The following PDE6B variants were observed in gnomAD, a reference collection of about 807,000 sequenced individuals.
The protein encoded by PDE6B is phosphodiesterase 6B.
Under a neutral mutation model 109.0 loss-of-function variants are expected in PDE6B, and 106 were observed. That is an observed-to-expected ratio of 0.97 (90% confidence interval 0.83 to 1.14). The LOEUF (loss-of-function observed/expected upper bound fraction) is 1.14, where lower values mean the gene tolerates loss of function less well. Among genes scored for constraint, PDE6B ranks in the 50% most tolerant of loss-of-function variants. PDE6B has a pLI of 0.00. For synonymous variants in PDE6B, 490 were observed against 471.3 expected, an observed-to-expected ratio of 1.04 and a Z score of -0.51; for missense variants, 1,193 against 1,155.6, an observed-to-expected ratio of 1.03 and a Z score of -0.47.
Position 670,322 on chromosome 4 carries a change from A to G in PDE6B, c.*215A>G, listed in dbSNP as rs1040628827. ...CCGTGGCACGATCTCAGCTCACTGC[A>G]ACCTCCACCTCCCAGGTTCAAGCGA... On this transcript the variant is annotated 3_prime_UTR_variant, in exon 22 of 22. Coordinates refer to ENST00000496514, the MANE Select transcript of PDE6B (RefSeq NM_000283.4). The G allele has an allele frequency of 1.1e-4, 62 of 547,648 alleles. No homozygotes were observed. In the East Asian group the frequency reaches 2.4e-3, roughly 21 times the overall value. 33.9% of individuals were successfully genotyped at this position (547,648 alleles called of 1,614,324 possible).
Position 656,798 on chromosome 4 carries a change from G to T in PDE6B, c.1108-76G>T. On this transcript the variant is annotated intron_variant, in intron 8 of 21. Coordinates refer to ENST00000496514, the MANE Select transcript of PDE6B (RefSeq NM_000283.4). ...ACGGCTCTAGGGGAGAAGACATGAG[G>T]TCACTCTCCCCGGCCACACGCCCGG... 4 of 1,393,510 alleles carry T rather than the reference G, an allele frequency of 2.9e-6. No individual in the cohort carries two copies. In the South Asian group the frequency reaches 4.7e-5, roughly 16 times the overall value. 86.3% of individuals were successfully genotyped at this position (1,393,510 alleles called of 1,614,324 possible). A position where few individuals can be genotyped will look rare whatever the true frequency, so the allele number is the denominator to read the frequency against.
At chr4:669,960 G>A (rs2109296853) in intron 21 of PDE6B, 86 bp from the exon 22 acceptor site, 2 of 1,086,742 alleles carry the variant, frequency 1.8e-6, no homozygotes, top group South Asian at 1.2e-5. Flanking sequence ...TGCAGGGGTT[G>A]GTAGAGGTCA....
chr4:634,052 G>A (rs144955880), intron 1 of PDE6B, among the ~76,000 whole-genome samples: 148 of 152,098 alleles, frequency 9.7e-4, no homozygotes, highest in Non-Finnish European at 1.6e-3. Flanking sequence ...TTCTCATCAC[G>A]GTGGGCCCCA....
At position 626,259 on chromosome 4, in the gene PDE6B, T is replaced by C. The variant is rs537200554; in HGVS notation, c.468+165T>C. Among the ~76,000 whole-genome samples the C allele has an allele frequency of 6.6e-6, 1 of 152,216 alleles. No homozygotes were observed. Among genetic ancestry groups the C allele is most frequent in the African/African-American group, 2.4e-5 (1 of 41,470 alleles). ...AGTACCTAGAGCCCCCTCCCGGCAC[T>C]GTGCCCTGGCCGCCTGCCTCTCCGA... On this transcript the variant is annotated intron_variant, in intron 1 of 21. Coordinates refer to ENST00000496514, the MANE Select transcript of PDE6B (RefSeq NM_000283.4). This position sits in a 1 kb window ranked among gnomAD's most constrained non-coding sequence, Gnocchi z 4.6.
chr4:648,994 G>A lies in PDE6B; in HGVS notation c.712-4858G>A, dbSNP rs1735352294. Reference sequence around the variant, plus strand: ...TGAGAGGCGGCCAGGAGGGGCGGGCGTGGTCTGTCCACACCGGGCAGTGGC... The same window carrying A: ...TGAGAGGCGGCCAGGAGGGGCGGGCATGGTCTGTCCACACCGGGCAGTGGC... On this transcript the variant is annotated intron_variant, in intron 3 of 21. Transcript: ENST00000496514. This position sits in a 1 kb window ranked among gnomAD's most constrained non-coding sequence, Gnocchi z 4.5. 1.3e-5 allele frequency among the ~76,000 whole-genome samples: 2 copies of A among 152,216 alleles called. No individual in the cohort carries two copies. Among genetic ancestry groups the A allele is most frequent in the African/African-American group, 4.8e-5 (2 of 41,460 alleles).
chr4:665,002 C>T lies in PDE6B; in HGVS notation c.2193+58C>T, dbSNP rs371705327. The T allele has an allele frequency of 7.8e-5, 106 of 1,363,618 alleles. No homozygotes were observed. The African/African-American group carries it at 1.1e-3, about 14-fold the overall frequency. 84.5% of individuals were successfully genotyped at this position (1,363,618 alleles called of 1,614,324 possible). On this transcript the variant is annotated intron_variant, in intron 18 of 21. Transcript: ENST00000496514. The surrounding 1 kb of genome is among the most constrained non-coding windows in gnomAD (Gnocchi z 4.0). ...AGTGCCTCTCAGCACATGGGACTGC[C>T]GGGCGGGCGGGAGCCTCGGATGGCA...
intron 17 of PDE6B, 139 bp from the exon 18 acceptor site, chr4:664,742 G>A: frequency 1.3e-6 from 1 of 770,934 alleles, no homozygotes; most frequent in Non-Finnish European, 2.4e-6. Context: ...GGAGGCGGAG[G>A]TTGCAGTGAG....
At chr4:635,648 T>G (rs28538930) in intron 2 of PDE6B, among the ~76,000 whole-genome samples, 3,605 of 152,342 alleles carry the variant, frequency 0.024, 143 homozygotes, top group African/African-American at 0.083. Context: ...TGCACATCGC[T>G]GTGCTCCTGT....
At chr4:642,391 G>A (rs1259929679) in intron 3 of PDE6B, among the ~76,000 whole-genome samples, 1 of 152,006 alleles carries the variant, frequency 6.6e-6, no homozygotes, top group Non-Finnish European at 1.5e-5. Flanking sequence ...CAGGAAAATC[G>A]CTTGAACCTG....
intron 3 of PDE6B, among the ~76,000 whole-genome samples, chr4:649,403 G>C (rs1446672079): frequency 6.6e-6 from 1 of 152,078 alleles, no homozygotes; most frequent in East Asian, 1.9e-4. Context: ...TGGGCCCAGG[G>C]GGAAACGTCT....
At chr4:641,211 A>G (rs1734928226) in intron 3 of PDE6B, among the ~76,000 whole-genome samples, 1 of 152,230 alleles carries the variant, frequency 6.6e-6, no homozygotes, top group Admixed American at 6.5e-5. Flanking sequence ...GATTCCTTTT[A>G]TCAGAATTTT....
Position 667,989 on chromosome 4 carries a change from G to A in PDE6B, c.2486G>A (p.Arg829Lys), listed in dbSNP as rs1239758901. 5 of 1,612,340 alleles carry A rather than the reference G, an allele frequency of 3.1e-6. No individual in the cohort carries two copies. The South Asian group carries it at 5.5e-5, about 18-fold the overall frequency. The change falls in exon 21 of 22, where the codon AGG becomes AAG. Residue 829 changes from arginine to lysine, a missense_variant. Arg to Lys is a conservative substitution (Grantham distance 26, BLOSUM62 2). Coordinates refer to ENST00000496514, the MANE Select transcript of PDE6B (RefSeq NM_000283.4). ...KALEEKEEEE[R>K]VAAKKVGTEI... The stretch of plus-strand genomic sequence containing the variant: ...CTGGAGGAGAAGGAGGAGGAGGAGA[G>A]GGTGGCAGCCAAGAAAGGTCTGGCT...
rs986774534 is a variant in PDE6B, at chr4:666,966, C to T, written c.2352+352C>T. ...TGTTTTGGGGGCCTTGGCTGCAGCT[C>T]TGTGGGTTCATTTGTTCCATGTTTG... On this transcript the variant is annotated intron_variant, in intron 20 of 21. Coordinates refer to ENST00000496514, the MANE Select transcript of PDE6B (RefSeq NM_000283.4). The surrounding 1 kb of genome is among the most constrained non-coding windows in gnomAD (Gnocchi z 5.6). Among the ~76,000 whole-genome samples the T allele has an allele frequency of 6.6e-5, 10 of 152,230 alleles. No homozygotes were observed. Among genetic ancestry groups the T allele is most frequent in the African/African-American group, 2.4e-4 (10 of 41,462 alleles).
In PDE6B at chr4:662,760, C is replaced by T. The variant is rs572639651; in HGVS notation, c.1832+142C>T. 2.1e-5 allele frequency: 14 copies of T among 673,432 alleles called. No individual in the cohort carries two copies. The highest frequency in any genetic ancestry group is 1.8e-4 in the African/African-American group (10 of 54,854). The allele number at this position is 673,432 out of a possible 1,614,324, so 41.7% of individuals were successfully genotyped here. The stretch of plus-strand genomic sequence containing the variant: ...ACTCCAGCACTGTGGGAGGCCAAGG[C>T]GAGGGGATTGCTTGAGCCCAGGAGT... On this transcript the variant is annotated intron_variant, in intron 14 of 21. Coordinates refer to ENST00000496514, the MANE Select transcript of PDE6B (RefSeq NM_000283.4). This position sits in a 1 kb window ranked among gnomAD's most constrained non-coding sequence, Gnocchi z 4.3.
chr4:638,655 T>G (rs1043080330), intron 3 of PDE6B, among the ~76,000 whole-genome samples: 14 of 152,172 alleles, frequency 9.2e-5, no homozygotes, highest in Admixed American at 2.6e-4. Flanking sequence ...ACACAAGTCC[T>G]TTATCAGATA....
intron 3 of PDE6B, among the ~76,000 whole-genome samples, chr4:642,725 CAAAAAAAAA>C (rs71636506): frequency 4.6e-5 from 2 of 43,336 alleles, no homozygotes; most frequent in African/African-American, 1.9e-4. Context: ...GACACTGTCT[CAAAAAAAAA>C]AAAAAAAAAA....
intron 8 of PDE6B, 25 bp downstream of exon 8, chr4:656,317 A>G (rs1474366425): frequency 7.1e-7 from 1 of 1,410,988 alleles, no homozygotes; most frequent in East Asian, 2.3e-5. Context: ...CTTGGTAGAA[A>G]TTATACTTAC....
chr4:657,336 T>G lies in PDE6B; in HGVS notation c.1258-15T>G. On this transcript the variant is annotated splice_polypyrimidine_tract_variant and intron_variant, in intron 9 of 21. Transcript: ENST00000496514. ...CGGGAGCGCTGAGCGCCAGTGACACTGCCATCCCCTCCAGTCCCTGACACA... is the reference window on the plus strand; with the variant it reads ...CGGGAGCGCTGAGCGCCAGTGACACGGCCATCCCCTCCAGTCCCTGACACA... The G allele has an allele frequency of 1.9e-6, 3 of 1,612,660 alleles. No individual in the cohort carries two copies. Among genetic ancestry groups the G allele is most frequent in the Non-Finnish European group, 8.5e-7 (1 of 1,179,780 alleles).
intron 11 of PDE6B, among the ~76,000 whole-genome samples, chr4:660,068 CAT>C (rs949612208): frequency 3.3e-5 from 5 of 151,848 alleles, no homozygotes; most frequent in Admixed American, 6.6e-5. Context: ...CCTGGGTGCT[CAT>C]GTGTGTGCCT....
Sources: gnomAD v4.1 joint callset for allele counts (sites outside exome capture counted in the v4.1 genomes callset) on GRCh38, gnomAD v4.1.1 for gene constraint, Gnocchi (gnomAD v3.1) non-coding constraint, MANE v1.5 for transcripts, NCBI Gene and HGNC (gene_info 2026-07-23, HGNC 2026-07-21) for gene names.